Variants in PLB1 observed in about 807,000 individuals in gnomAD.
The protein encoded by PLB1 is phospholipase B1, membrane-associated.
Under a neutral mutation model 227.4 loss-of-function variants are expected in PLB1, and 242 were observed. The ratio of observed to expected loss-of-function variants is 1.06; its 90% CI spans 0.96 to 1.18. The LOEUF (loss-of-function observed/expected upper bound fraction) is 1.18, where lower values mean the gene tolerates loss of function less well. Ranked by LOEUF, PLB1 falls within the 50% of genes most tolerant of loss-of-function variation. The probability of loss-of-function intolerance (pLI) is 0.00; values close to 1 mark genes in which losing one functional copy is unlikely to be tolerated. For missense variants in PLB1, 1,858 were observed against 1,816.3 expected, an observed-to-expected ratio of 1.02 and a Z score of -0.42; for synonymous variants, 757 against 682.2, an observed-to-expected ratio of 1.11 and a Z score of -1.71.
Position 28,629,133 on chromosome 2 carries a change from C to G in PLB1, c.3766C>G (p.Leu1256Val), listed in dbSNP as rs753580504. Residue 1256 changes from leucine to valine, a missense_variant, in exon 53 of 58, where the codon CTG becomes GTG. Leu to Val is a conservative substitution (Grantham distance 32). Coordinates refer to ENST00000327757, the MANE Select transcript of PLB1 (RefSeq NM_153021.5). Reference sequence around the variant, plus strand: ...CGTCAACGTGGTGGAGGTCATGGAGCTGGCTAGCCTGTACCAGGGCCAAGG... The same window carrying G: ...CGTCAACGTGGTGGAGGTCATGGAGGTGGCTAGCCTGTACCAGGGCCAAGG... ...AFVNVVEVMELASLYQGQGGK... is the reference protein window; with the variant it reads ...AFVNVVEVMEVASLYQGQGGK... 2 of 1,613,828 alleles carry G rather than the reference C, an allele frequency of 1.2e-6. No homozygotes were observed. The highest frequency in any genetic ancestry group is 2.7e-5 in the African/African-American group (2 of 74,922).
At chr2:28,557,721 T>A (rs908003654) in intron 17 of PLB1, among the ~76,000 whole-genome samples, 1 of 152,224 alleles carries the variant, frequency 6.6e-6, no homozygotes, top group African/African-American at 2.4e-5. Flanking sequence ...GTGGACAATT[T>A]GTACCAGATA....
chr2:28,497,562 CAAA>C (rs972073374), intron 1 of PLB1, among the ~76,000 whole-genome samples: 1 of 152,086 alleles, frequency 6.6e-6, no homozygotes, highest in South Asian at 2.1e-4. Flanking sequence ...GGAAGCAGAG[CAAA>C]AAATAGAGAA....
intron 33 of PLB1, among the ~76,000 whole-genome samples, chr2:28,597,264 G>GA (rs57713254): frequency 0.11 from 9,465 of 85,210 alleles, 526 homozygotes; most frequent in Middle Eastern, 0.19. Flanking sequence ...ACTCCGTCTC[G>GA]AAAAAAAAAA....
chr2:28,632,357 C>G (rs555105155), intron 55 of PLB1, among the ~76,000 whole-genome samples: 5 of 151,910 alleles, frequency 3.3e-5, no homozygotes, highest in Admixed American at 2.0e-4. Context: ...TGACTAAGCT[C>G]CCAGGCCTGG....
chr2:28,528,338 TC>T (rs1670552843), intron 6 of PLB1, among the ~76,000 whole-genome samples: 1 of 152,168 alleles, frequency 6.6e-6, no homozygotes, highest in African/African-American at 2.4e-5. Flanking sequence ...TGACACTCTC[TC>T]CCCGCTCTGC....
At chr2:28,631,385 G>A (rs539831346) in intron 54 of PLB1, among the ~76,000 whole-genome samples, 21 of 152,088 alleles carry the variant, frequency 1.4e-4, no homozygotes, top group Non-Finnish European at 2.8e-4. Context: ...TCCCCTGCCT[G>A]AACTTCACCC....
chr2:28,592,778 T>G, intron 32 of PLB1, 59 bp downstream of exon 32: 1 of 1,526,342 alleles, frequency 6.6e-7, no homozygotes. Context: ...CAGATCCCAG[T>G]CCTCTTAACT....
chr2:28,558,014 A>G (rs959784604), intron 17 of PLB1, among the ~76,000 whole-genome samples: 10 of 152,204 alleles, frequency 6.6e-5, no homozygotes, highest in African/African-American at 1.2e-4. Flanking sequence ...AGAATGGCCA[A>G]CTGGAGAACC....
At chr2:28,502,334 TCATA>T (rs1272143355) in intron 1 of PLB1, among the ~76,000 whole-genome samples, 2 of 152,162 alleles carry the variant, frequency 1.3e-5, no homozygotes, top group Non-Finnish European at 2.9e-5. Flanking sequence ...CCTTTGGGAA[TCATA>T]CATACATACA....
chr2:28,536,616 G>A (rs1000099009), intron 9 of PLB1, among the ~76,000 whole-genome samples: 2 of 152,132 alleles, frequency 1.3e-5, no homozygotes, highest in South Asian at 2.1e-4. Flanking sequence ...GAGTTAAGTT[G>A]GGTCTCAGGC....
At chr2:28,559,176 T>C (rs1558758431) in intron 17 of PLB1, among the ~76,000 whole-genome samples, 1 of 152,256 alleles carries the variant, frequency 6.6e-6, no homozygotes, top group Non-Finnish European at 1.5e-5. Context: ...GTCAATGGCT[T>C]TGATAATCGA....
intron 46 of PLB1, among the ~76,000 whole-genome samples, chr2:28,619,519 G>GGTTTTTTTTTTTTTTT (rs1553459984): frequency 8.0e-6 from 1 of 124,610 alleles, no homozygotes; most frequent in Non-Finnish European, 1.7e-5. Context: ...AAATTTCAAG[G>GGTTTTTTTTTTTTTTT]TTTTGTTTTT....
intron 14 of PLB1, chr2:28,548,602 A>ATAT: frequency 3.7e-6 from 2 of 538,732 alleles, no homozygotes; most frequent in Non-Finnish European, 7.2e-6. Flanking sequence ...TATATATATA[A>ATAT]AACCGATGCT....
intron 17 of PLB1, among the ~76,000 whole-genome samples, chr2:28,558,493 T>A (rs1558756739): frequency 6.6e-6 from 1 of 152,238 alleles, no homozygotes; most frequent in Admixed American, 6.5e-5. Context: ...TTGCGTGATT[T>A]CTTTGAGAAG....
At chr2:28,572,712 A>T (rs1023972199) in intron 20 of PLB1, among the ~76,000 whole-genome samples, 1 of 152,220 alleles carries the variant, frequency 6.6e-6, no homozygotes, top group Admixed American at 6.5e-5. Flanking sequence ...GCAAGACTAC[A>T]GAGACAGAGT....
At chr2:28,598,571 G>GTCCC in intron 34 of PLB1, 81 bp from the exon 35 acceptor site, 1 of 1,107,812 alleles carries the variant, frequency 9.0e-7, no homozygotes, top group Non-Finnish European at 1.4e-6. Context: ...CCACTTTGGG[G>GTCCC]ACCTAGGTCC....
At chr2:28,597,100 A>G (rs1408946223) in intron 33 of PLB1, among the ~76,000 whole-genome samples, 2 of 152,012 alleles carry the variant, frequency 1.3e-5, no homozygotes, top group African/African-American at 2.4e-5. Context: ...CATCTCTACT[A>G]AAAAACAGAA....
At chr2:28,512,659 T>A (rs973027657) in intron 1 of PLB1, among the ~76,000 whole-genome samples, 1 of 152,048 alleles carries the variant, frequency 6.6e-6, no homozygotes, top group African/African-American at 2.4e-5. Context: ...TAACCACTGA[T>A]GTCTTTGCTC....
chr2:28,642,845 T>A lies in PLB1; in HGVS notation c.4174-13T>A. On this transcript the variant is annotated splice_polypyrimidine_tract_variant and intron_variant, in intron 57 of 57. Transcript: ENST00000327757. ...GGAGATCCTTTCCACTGACCCCCGC[T>A]CCTCCTCCACAGGAGAGCCCTTACC... 1 of 1,574,648 alleles carries A rather than the reference T, an allele frequency of 6.4e-7. No individual in the cohort carries two copies. Among genetic ancestry groups the A allele is most frequent in the Non-Finnish European group, 8.6e-7 (1 of 1,156,394 alleles).
Sources: gnomAD v4.1 joint callset for allele counts (sites outside exome capture counted in the v4.1 genomes callset) on GRCh38, gnomAD v4.1.1 for gene constraint, MANE v1.5 for transcripts, NCBI Gene and HGNC (gene_info 2026-07-23, HGNC 2026-07-21) for gene names.